The following PCNT variants were observed in gnomAD, a reference collection of about 807,000 sequenced individuals.
PCNT encodes the protein kendrin.
Under a neutral mutation model 380.4 loss-of-function variants are expected in PCNT, and 319 were observed. That is an observed-to-expected ratio of 0.84 (90% confidence interval 0.77 to 0.92). The LOEUF (loss-of-function observed/expected upper bound fraction) is 0.92, where lower values mean the gene tolerates loss of function less well. PCNT is among the 40% of genes least tolerant of loss of function. The pLI, the probability that PCNT is intolerant of heterozygous loss-of-function variation, is 0.00. For missense variants in PCNT, 4,400 were observed against 4,255.3 expected (o/e 1.03, Z -0.95); for synonymous variants, 1,845 against 1,735.2 (o/e 1.06, Z -1.57).
chr21:46,347,544 C>T (rs2084113043), intron 6 of PCNT, 32 bp downstream of exon 6: 11 of 1,605,570 alleles, frequency 6.9e-6, no homozygotes, highest in African/African-American at 1.3e-5. Flanking sequence ...ATGCACGCCT[C>T]TGTGTATGTT....
At chr21:46,377,969 G>A (rs925829907) in intron 15 of PCNT, among the ~76,000 whole-genome samples, 6 of 152,140 alleles carry the variant, frequency 3.9e-5, no homozygotes, top group East Asian at 1.9e-4. Context: ...TAGACTCAGC[G>A]TGTGCCCTCG....
rs56412462 is a variant in PCNT at position 46,423,305 on chromosome 21, C to T, written c.7179+1181C>T. Among the ~76,000 whole-genome samples the T allele has an allele frequency of 2.6e-5, 4 of 151,694 alleles. 1 individual carries two copies. Among genetic ancestry groups the T allele is most frequent in the African/African-American group, 4.8e-5 (2 of 41,308 alleles). On this transcript the variant is annotated intron_variant, in intron 32 of 46. Coordinates refer to ENST00000359568, the MANE Select transcript of PCNT (RefSeq NM_006031.6). ...TCCTGGGCTCAAACGATCCTCCCAC[C>T]TCAGCCTCCCAAGCAGCTTGGATTA...
chr21:46,378,288 TG>T (rs2085396623), intron 15 of PCNT, among the ~76,000 whole-genome samples: 1 of 152,192 alleles, frequency 6.6e-6, no homozygotes, highest in African/African-American at 2.4e-5. Flanking sequence ...AATCACCCTG[TG>T]GTGTCTCTGG....
intron 30 of PCNT, 79 bp from the exon 31 acceptor site, chr21:46,418,125 T>A: frequency 1.1e-6 from 1 of 869,618 alleles, no homozygotes; most frequent in Non-Finnish European, 1.9e-6. Flanking sequence ...TTCAGGCCTT[T>A]GAAAGTTTTC....
At chr21:46,379,852 G>A (rs915109592) in intron 15 of PCNT, among the ~76,000 whole-genome samples, 2 of 152,184 alleles carry the variant, frequency 1.3e-5, no homozygotes, top group Admixed American at 1.3e-4. Flanking sequence ...GGCGGGCGGT[G>A]GACAGCCTGG....
At chr21:46,349,547 G>T in intron 7 of PCNT, 137 bp from the exon 8 acceptor site, 1 of 879,570 alleles carries the variant, frequency 1.1e-6, no homozygotes, top group Non-Finnish European at 1.9e-6. Flanking sequence ...GGCATGTGAG[G>T]CTCAAACGAG....
intron 20 of PCNT, 96 bp from the exon 21 acceptor site, chr21:46,391,068 C>T: frequency 3.1e-6 from 4 of 1,273,310 alleles, no homozygotes; most frequent in Non-Finnish European, 4.5e-6. Flanking sequence ...AGCTCTGCTG[C>T]TCTCAGGGGC....
chr21:46,405,674 C>T (rs1009162263), intron 27 of PCNT, among the ~76,000 whole-genome samples: 14 of 151,944 alleles, frequency 9.2e-5, no homozygotes, highest in Admixed American at 7.2e-4. Context: ...GCAGCCTGGG[C>T]GACAGAGCAA....
intron 24 of PCNT, among the ~76,000 whole-genome samples, chr21:46,398,594 G>A (rs994910910): frequency 1.3e-5 from 2 of 152,198 alleles, no homozygotes; most frequent in African/African-American, 4.8e-5. Context: ...GGACCCTCGT[G>A]TACTGGGTCA....
In PCNT at chr21:46,416,294, A is replaced by G. The variant is rs758901300; in HGVS notation, c.6376A>G (p.Ile2126Val). 2.5e-6 allele frequency: 4 copies of G among 1,613,968 alleles called. No individual in the cohort carries two copies. The South Asian group carries it at 3.3e-5, about 13-fold the overall frequency. The part of the protein sequence containing the change: ...DGEEPDISPH[I>V]DTCDANTATG... ...AGAAGAGCCTGACATATCACCCCAC[A>G]TAGACACATGTGATGCCAATACAGC... Residue 2126 changes from isoleucine to valine, a missense_variant, in exon 30 of 47, where the codon ATA becomes GTA. Coordinates refer to ENST00000359568, the MANE Select transcript of PCNT (RefSeq NM_006031.6).
In PCNT at chr21:46,347,522, A is replaced by T. The variant is rs1372661619; in HGVS notation, c.1032+10A>T. On this transcript the variant is annotated intron_variant, in intron 6 of 46. Coordinates refer to ENST00000359568, the MANE Select transcript of PCNT (RefSeq NM_006031.6). ...CGCCCAGATAGTAAAGGTACCCGGG[A>T]TCGATTCTAAAATGCACGCCTCTGT... 1 of 1,613,646 alleles carries T rather than the reference A, an allele frequency of 6.2e-7. No individual in the cohort carries two copies. The highest frequency in any genetic ancestry group is 8.5e-7 in the Non-Finnish European group (1 of 1,179,574).
At chr21:46,324,962 C>T (rs2083320725) in intron 1 of PCNT, 2 of 970,538 alleles carry the variant, frequency 2.1e-6, no homozygotes, top group Non-Finnish European at 1.2e-6. Flanking sequence ...CCCTTGGGCT[C>T]GCGTCCTGCC....
Position 46,425,375 on chromosome 21 carries a change from C to T in PCNT, c.7180-456C>T, listed in dbSNP as rs887425656. 4.6e-5 allele frequency among the ~76,000 whole-genome samples: 7 copies of T among 152,230 alleles called. No individual in the cohort carries two copies. Among genetic ancestry groups the T allele is most frequent in the Non-Finnish European group, 8.8e-5 (6 of 68,036 alleles). The stretch of plus-strand genomic sequence containing the variant: ...GCTGGTGGTCGGCACTGGCCTCAGC[C>T]GGACCACGCACAGAGGCCTCCTGGG... On this transcript the variant is annotated intron_variant, in intron 32 of 46. Transcript: ENST00000359568. This position sits in a 1 kb window ranked among gnomAD's most constrained non-coding sequence, Gnocchi z 4.2.
intron 2 of PCNT, among the ~76,000 whole-genome samples, chr21:46,327,857 T>C (rs1259536376): frequency 6.6e-6 from 1 of 152,196 alleles, no homozygotes; most frequent in South Asian, 2.1e-4. Flanking sequence ...GTCTGCTGCT[T>C]GAGGCCTTGT....
chr21:46,354,653 G>A (rs1312574517), intron 11 of PCNT, among the ~76,000 whole-genome samples: 2 of 152,184 alleles, frequency 1.3e-5, no homozygotes, highest in Admixed American at 1.3e-4. Context: ...AGACGCAGGG[G>A]CAGCACCGCG....
rs75917089 is a variant in PCNT, at chr21:46,393,022, C to T, written c.4216+1646C>T. On this transcript the variant is annotated intron_variant, in intron 21 of 46. Transcript: ENST00000359568. ...TAGCCAAGTTTTATTTGCCGCACCT[C>T]CTGGCGTTGGGCCCTTGCTCGGGGG... Among the ~76,000 whole-genome samples, 700 of 152,346 alleles carry T rather than the reference C, an allele frequency of 4.6e-3. 5 individuals carry two copies. The highest frequency in any genetic ancestry group is 6.9e-3 in the Non-Finnish European group (469 of 68,042).
At chr21:46,329,053 C>T (rs143082157) in intron 2 of PCNT, among the ~76,000 whole-genome samples, 16 of 152,308 alleles carry the variant, frequency 1.1e-4, no homozygotes, top group East Asian at 5.8e-4. Context: ...GGATTACAGG[C>T]GTGAGCCACT....
Position 46,442,586 on chromosome 21 carries a change from C to T in PCNT, c.9700+13C>T. 6.5e-7 allele frequency: 1 copy of T among 1,531,806 alleles called. No homozygotes were observed. Among genetic ancestry groups the T allele is most frequent in the South Asian group, 1.1e-5 (1 of 89,486 alleles). 94.9% of individuals were successfully genotyped at this position (1,531,806 alleles called of 1,614,324 possible). A position where few individuals can be genotyped will look rare whatever the true frequency, so the allele number is the denominator to read the frequency against. ...GCCCCTCGCCCAGGTGGGACTCCAG[C>T]TGCTGTTGACCGCTGGACTCACAAA... On this transcript the variant is annotated intron_variant, in intron 44 of 46. Transcript: ENST00000359568.
At position 46,437,022 on chromosome 21, in the gene PCNT, T is replaced by C. The variant is rs1444553512; in HGVS notation, c.9040T>C (p.Ser3014Pro). 3.1e-6 allele frequency: 5 copies of C among 1,614,122 alleles called. No homozygotes were observed. Among genetic ancestry groups the C allele is most frequent in the Non-Finnish European group, 4.2e-6 (5 of 1,179,942 alleles). The part of the protein sequence containing the change: ...WTSSNEKAVM[S>P]LLHTLEELKS... ...GTCATCCAATGAGAAAGCAGTGATGTCTTTACTGCACACGTTGGAGGAGCT... is the reference window on the plus strand; with the variant it reads ...GTCATCCAATGAGAAAGCAGTGATGCCTTTACTGCACACGTTGGAGGAGCT... Residue 3014 changes from serine to proline, a missense_variant, in exon 40 of 47, where the codon TCT (serine) becomes CCT (proline). Coordinates refer to ENST00000359568, the MANE Select transcript of PCNT (RefSeq NM_006031.6).
Sources: allele counts gnomAD v4.1 joint callset (sites outside exome capture counted in the v4.1 genomes callset), GRCh38; gene constraint gnomAD v4.1.1; non-coding constraint Gnocchi (gnomAD v3.1); transcripts MANE v1.5; gene names NCBI Gene and HGNC (gene_info 2026-07-23, HGNC 2026-07-21).